The following TRRAP variants were observed in gnomAD, a reference collection of about 807,000 sequenced individuals.
TRRAP encodes transformation/transcription domain associated protein.
In TRRAP, 41 loss-of-function variants were observed where a neutral mutation model predicts 438.8. The observed-to-expected ratio is 0.09, with a 90% CI of 0.07 to 0.12. The LOEUF (loss-of-function observed/expected upper bound fraction) is 0.12. TRRAP is among the 10% of genes least tolerant of loss of function. TRRAP has a pLI of 1.00. For synonymous variants in TRRAP, 1,994 were observed against 1,962.9 expected, an observed-to-expected ratio of 1.02 and a Z score of -0.42; for missense variants, 3,122 against 5,055.1, an observed-to-expected ratio of 0.62 and a Z score of 11.60.
chr7:98,956,610 T>C lies in TRRAP; in HGVS notation c.6231+77T>C, dbSNP rs1305464385. On this transcript the variant is annotated intron_variant, in intron 43 of 72. Coordinates refer to ENST00000456197, the MANE Select transcript of TRRAP (RefSeq NM_001375524.1). This position sits in a 1 kb window ranked among gnomAD's most constrained non-coding sequence, Gnocchi z 4.5. ...TCGTTTATTCCCTATATTTAGAATG[T>C]GAGCTCGGTGCTCAGCTGCATTCAG... 3 of 1,542,514 alleles carry C rather than the reference T, an allele frequency of 1.9e-6. No homozygotes were observed. In the Admixed American group the frequency reaches 6.0e-5, roughly 31 times the overall value.
At position 99,012,186 on chromosome 7, in the gene TRRAP, G is replaced by A; in HGVS notation, c.11453G>A (p.Ser3818Asn). ...SAAGQPENMD[S>N]QQLVSLVQKA... Reference sequence around the variant, plus strand: ...GCCGGGCAGCCAGAGAACATGGACAGCCAGCAACTGGTGTCCCTGGTTCAG... The same window carrying A: ...GCCGGGCAGCCAGAGAACATGGACAACCAGCAACTGGTGTCCCTGGTTCAG... Residue 3818 changes from serine to asparagine, a missense_variant, in exon 73 of 73, where the codon AGC (serine) becomes AAC (asparagine). Transcript: ENST00000456197. The surrounding 1 kb of genome is among the most constrained non-coding windows in gnomAD (Gnocchi z 5.9). 6.2e-7 allele frequency: 1 copy of A among 1,614,216 alleles called. No homozygotes were observed. The highest frequency in any genetic ancestry group is 8.5e-7 in the Non-Finnish European group (1 of 1,180,038).
chr7:98,951,016 ATGTGTG>A lies in TRRAP; in HGVS notation c.5463+15_5463+20del. ...TGTTTATTACCAAGGTGGTATCACT[ATGTGTG>A]TGGGTGTGAGAAGTAGCCTGGCATG... is the stretch of plus-strand genomic sequence containing the variant. On this transcript the variant is annotated intron_variant, in intron 39 of 72. Coordinates refer to ENST00000456197, the MANE Select transcript of TRRAP (RefSeq NM_001375524.1). 1 of 1,566,202 alleles carries A rather than the reference ATGTGTG, an allele frequency of 6.4e-7. No individual in the cohort carries two copies. The highest frequency in any genetic ancestry group is 8.6e-7 in the Non-Finnish European group (1 of 1,156,650).
intron 30 of TRRAP, among the ~76,000 whole-genome samples, chr7:98,942,044 A>G (rs572324655): frequency 1.2e-4 from 18 of 152,318 alleles, no homozygotes; most frequent in African/African-American, 3.6e-4. Context: ...TAAATATGCA[A>G]CTGTTATTGA....
At position 98,921,970 on chromosome 7, in the gene TRRAP, T is replaced by C. The variant is rs1789816313; in HGVS notation, c.2823+17T>C. 1.2e-6 allele frequency: 2 copies of C among 1,614,044 alleles called. No homozygotes were observed. Among genetic ancestry groups the C allele is most frequent in the Admixed American group, 1.7e-5 (1 of 60,000 alleles). On this transcript the variant is annotated intron_variant, in intron 21 of 72. Transcript: ENST00000456197. ...ATGGAGAAGGTAAGCTCTGTGACAA[T>C]GTCGTTTCGTTTTAAGCCTTGTGAA...
intron 49 of TRRAP, among the ~76,000 whole-genome samples, chr7:98,966,631 G>A (rs1792171631): frequency 6.6e-6 from 1 of 151,954 alleles, no homozygotes; most frequent in Non-Finnish European, 1.5e-5. Flanking sequence ...GTTGCAGTAA[G>A]CCAAGATCAC....
intron 58 of TRRAP, among the ~76,000 whole-genome samples, chr7:98,980,044 C>A (rs1792843412): frequency 6.6e-6 from 1 of 152,154 alleles, no homozygotes; most frequent in Admixed American, 6.5e-5. Context: ...CGAGTCCAGA[C>A]CCTGTGACAT....
Position 98,984,157 on chromosome 7 carries a change from G to T in TRRAP, c.9087G>T (p.Gly3029=). The change falls in exon 61 of 73, where the codon GGG becomes GGT. Residue 3029 remains glycine, a synonymous_variant. Transcript: ENST00000456197. ...CCAGTTCAAATAACGCTATGCTTGG[G>T]GTTCATGCATCAGCTTCAGCGATCA... ...HDPSSNNAML[G]VHASASAIIQ... The T allele has an allele frequency of 1.2e-6, 2 of 1,614,038 alleles. No homozygotes were observed. The highest frequency in any genetic ancestry group is 1.7e-6 in the Non-Finnish European group (2 of 1,179,964).
At chr7:98,966,972 G>A in intron 49 of TRRAP, 69 bp from the exon 50 acceptor site, 1 of 1,514,742 alleles carries the variant, frequency 6.6e-7, no homozygotes, top group African/African-American at 1.4e-5. Flanking sequence ...AAAATTGTAG[G>A]AGCTTAAAAA....
At chr7:98,934,177 A>G (rs1389704101) in intron 27 of TRRAP, among the ~76,000 whole-genome samples, 1 of 152,260 alleles carries the variant, frequency 6.6e-6, no homozygotes, top group Non-Finnish European at 1.5e-5. Flanking sequence ...TTTAGAATAC[A>G]GTAGTGGTCT....
intron 7 of TRRAP, among the ~76,000 whole-genome samples, chr7:98,897,251 T>C (rs1796256816): frequency 6.6e-6 from 1 of 152,014 alleles, no homozygotes. Context: ...GAAGAAAAAA[T>C]GTCCTGTGTT....
Position 98,910,079 on chromosome 7 carries a change from A to G in TRRAP, c.1374A>G (p.Thr458=), listed in dbSNP as rs1554408367. ...MLEVFVLKFH[T]IARYQLSAIF... The stretch of plus-strand genomic sequence containing the variant: ...AGGTTTTCGTTCTCAAATTCCACAC[A>G]ATTGCTCGGTACCAGCTCTCTGCCA... Residue 458 remains threonine (T), a synonymous_variant, in exon 15 of 73, where the codon ACA becomes ACG. Coordinates refer to ENST00000456197, the MANE Select transcript of TRRAP (RefSeq NM_001375524.1). 3 of 1,552,808 alleles carry G rather than the reference A, an allele frequency of 1.9e-6. No homozygotes were observed. The highest frequency in any genetic ancestry group is 2.6e-6 in the Non-Finnish European group (3 of 1,150,948).
Position 98,950,928 on chromosome 7 carries a change from A to T in TRRAP, c.5387A>T (p.Glu1796Val), listed in dbSNP as rs569167648. The T allele has an allele frequency of 2.5e-6, 4 of 1,606,924 alleles. No individual in the cohort carries two copies. The highest frequency in any genetic ancestry group is 4.5e-5 in the East Asian group (2 of 44,456). ...TTCTTGTACAGCTTTGAGAAGGGGG[A>T]AGGAGAGCAGCTCTTGGGACCTCCC... The part of the protein sequence containing the change: ...PAFLYSFEKG[E>V]GEQLLGPPNP... Residue 1796 changes from glutamate (E) to valine (V), a missense_variant, in exon 39 of 73, where the codon GAA becomes GTA. Around this residue, in one of 24 missense-constraint regions of TRRAP, gnomAD observed 272 missense variants for 348.5 expected, o/e 0.78. Coordinates refer to ENST00000456197, the MANE Select transcript of TRRAP (RefSeq NM_001375524.1).
rs373316247 is a variant in TRRAP at position 98,892,565 on chromosome 7, A to G, written c.366+37A>G. On this transcript the variant is annotated intron_variant, in intron 5 of 72. Coordinates refer to ENST00000456197, the MANE Select transcript of TRRAP (RefSeq NM_001375524.1). ...GAATTAATTCTTGTCGTATAGCCGT[A>G]TGTAAAACTTTCACTGATTTTTCTT... is the stretch of plus-strand genomic sequence containing the variant. 59 of 1,477,014 alleles carry G rather than the reference A, an allele frequency of 4.0e-5. No homozygotes were observed. In the African/African-American group the frequency reaches 8.1e-4, roughly 20 times the overall value. The allele number at this position is 1,477,014 out of a possible 1,614,324, so 91.5% of individuals were successfully genotyped here.
At chr7:98,910,445 A>G (rs1789191900) in intron 15 of TRRAP, 26 bp downstream of exon 15, 1 of 1,612,318 alleles carries the variant, frequency 6.2e-7, no homozygotes, top group Non-Finnish European at 8.5e-7. Context: ...AGTTATGTAG[A>G]CAAACAATAG....
chr7:98,917,747 G>A (rs1584308679), intron 20 of TRRAP, 68 bp downstream of exon 20: 3 of 1,559,464 alleles, frequency 1.9e-6, no homozygotes, highest in African/African-American at 2.7e-5. Flanking sequence ...TGGGTTCTCT[G>A]TACTCAAGAG....
intron 50 of TRRAP, 152 bp downstream of exon 50, chr7:98,967,314 A>G (rs1792200366): frequency 1.5e-6 from 2 of 1,310,110 alleles, no homozygotes; most frequent in East Asian, 2.3e-5. Context: ...CTTTGGTGTC[A>G]TTAAAGGACC....
At chr7:98,939,910 A>G (rs1231939229) in intron 30 of TRRAP, among the ~76,000 whole-genome samples, 1 of 152,108 alleles carries the variant, frequency 6.6e-6, no homozygotes, top group Non-Finnish European at 1.5e-5. Context: ...GAGACAGAGT[A>G]TGGCTCTGTT....
At position 98,948,604 on chromosome 7, in the gene TRRAP, G is replaced by A. The variant is rs1175076872; in HGVS notation, c.4707G>A (p.Leu1569=). 6.2e-7 allele frequency: 1 copy of A among 1,614,074 alleles called. No homozygotes were observed. The highest frequency in any genetic ancestry group is 8.5e-7 in the Non-Finnish European group (1 of 1,180,052). ...SPFREPLIKF[L]TRHPSQTVEL... Reference sequence around the variant, plus strand: ...TCCGAGAGCCCCTGATCAAGTTCCTGACTCGACATCCCTCGCAGACAGTGG... The same window carrying A: ...TCCGAGAGCCCCTGATCAAGTTCCTAACTCGACATCCCTCGCAGACAGTGG... The change falls in exon 35 of 73, where the codon CTG becomes CTA. Residue 1569 remains leucine (L), a synonymous_variant. Coordinates refer to ENST00000456197, the MANE Select transcript of TRRAP (RefSeq NM_001375524.1). This position sits in a 1 kb window ranked among gnomAD's most constrained non-coding sequence, Gnocchi z 4.9.
At position 98,911,208 on chromosome 7, in the gene TRRAP, A is replaced by T. The variant is rs1156539226; in HGVS notation, c.1944A>T (p.Lys648Asn). Residue 648 changes from lysine to asparagine, a missense_variant, in exon 17 of 73, where the codon AAA becomes AAT. Coordinates refer to ENST00000456197, the MANE Select transcript of TRRAP (RefSeq NM_001375524.1). The part of the protein sequence containing the change: ...VFTMMNPLTF[K>N]EIFQTTVPYM... ...CAATGATGAACCCCTTAACGTTCAA[A>T]GAAATCTTCCAAACTACGGTCCCTT... is the stretch of plus-strand genomic sequence containing the variant. 3 of 1,614,134 alleles carry T rather than the reference A, an allele frequency of 1.9e-6. No homozygotes were observed. The African/African-American group carries it at 4.0e-5, about 22-fold the overall frequency.
Sources: gnomAD v4.1 joint callset for allele counts (sites outside exome capture counted in the v4.1 genomes callset) on GRCh38, gnomAD v4.1.1 for gene constraint, gnomAD v4.1.1 regional missense constraint, Gnocchi (gnomAD v3.1) non-coding constraint, MANE v1.5 for transcripts, NCBI Gene and HGNC (gene_info 2026-07-23, HGNC 2026-07-21) for gene names.